CCDC6: variants seen among roughly 807,000 people sequenced by gnomAD.
CCDC6 encodes coiled-coil domain containing 6, also known as coiled-coil domain-containing protein 6.
In CCDC6, 20 loss-of-function variants were observed where a neutral mutation model predicts 56.6. That is an observed-to-expected ratio of 0.35 (90% confidence interval 0.25 to 0.51). The LOEUF is 0.51. Among genes scored for constraint, CCDC6 ranks in the 20% least tolerant of loss-of-function variants. The pLI is 0.95. For missense variants in CCDC6, 367 were observed against 601.1 expected (o/e 0.61, Z 4.07); for synonymous variants, 241 against 234.4 (o/e 1.03, Z -0.26).
At chr10:59,874,612 TA>T (rs1407954117) in intron 1 of CCDC6, among the ~76,000 whole-genome samples, 4 of 152,206 alleles carry the variant, frequency 2.6e-5, no homozygotes, top group Non-Finnish European at 5.9e-5. Flanking sequence ...AAAGGGGAAT[TA>T]AGGGAACAGA....
chr10:59,881,443 C>A (rs971955330), intron 1 of CCDC6, among the ~76,000 whole-genome samples: 1 of 152,122 alleles, frequency 6.6e-6, no homozygotes, highest in Non-Finnish European at 1.5e-5. Context: ...AGGGGCATAA[C>A]GAGGTGAGAC....
chr10:59,837,225 T>C (rs773865189), intron 2 of CCDC6, among the ~76,000 whole-genome samples: 6 of 152,334 alleles, frequency 3.9e-5, no homozygotes, highest in African/African-American at 7.2e-5. Context: ...GGTAGAGGCA[T>C]TGAAAATCAT....
At chr10:59,836,164 G>C (rs1357128014) in intron 2 of CCDC6, among the ~76,000 whole-genome samples, 1 of 151,824 alleles carries the variant, frequency 6.6e-6, no homozygotes, top group Non-Finnish European at 1.5e-5. Context: ...GCAAATGTGT[G>C]CATAGGGACC....
At chr10:59,886,541 A>T (rs1305387014) in intron 1 of CCDC6, among the ~76,000 whole-genome samples, 1 of 152,232 alleles carries the variant, frequency 6.6e-6, no homozygotes, top group Non-Finnish European at 1.5e-5. Flanking sequence ...AAAACACAAA[A>T]GCAGTCTGTC....
intron 2 of CCDC6, among the ~76,000 whole-genome samples, chr10:59,841,481 G>T (rs188218321): frequency 3.3e-5 from 5 of 152,240 alleles, no homozygotes; most frequent in South Asian, 4.1e-4. Context: ...TGAGAAAACA[G>T]AATTCTAATC....
chr10:59,900,718 T>A (rs527830014), intron 1 of CCDC6, among the ~76,000 whole-genome samples: 1 of 152,310 alleles, frequency 6.6e-6, no homozygotes, highest in Admixed American at 6.5e-5. Context: ...TGATTCCCCA[T>A]CTCTAGCAAA....
At chr10:59,890,723 T>G (rs1755227874) in intron 1 of CCDC6, among the ~76,000 whole-genome samples, 1 of 152,080 alleles carries the variant, frequency 6.6e-6, no homozygotes, top group Non-Finnish European at 1.5e-5. Context: ...TTTTATTTAT[T>G]TATTTTTATT....
At chr10:59,796,795 G>A (rs372153611) in intron 7 of CCDC6, among the ~76,000 whole-genome samples, 12 of 151,898 alleles carry the variant, frequency 7.9e-5, no homozygotes, top group African/African-American at 1.7e-4. Flanking sequence ...GTGAAACCCC[G>A]TCTCTACTAA....
chr10:59,871,841 T>C (rs1020357565), intron 1 of CCDC6, among the ~76,000 whole-genome samples: 1 of 152,066 alleles, frequency 6.6e-6, no homozygotes, highest in African/African-American at 2.4e-5. Flanking sequence ...CCAAATTCAG[T>C]TGCTAATTGG....
rs776023020 is a variant in CCDC6, at chr10:59,792,464, G to A, written c.*453C>T. 1 of 440,402 alleles carries A rather than the reference G, an allele frequency of 2.3e-6. No individual in the cohort carries two copies. The allele number at this position is 440,402 out of a possible 1,614,324, so 27.3% of individuals were successfully genotyped here. ...TTTCAAAGGTCTGAATTGTAGTGCTGAATTATTGGTATGTTTGGTAAACAC... is the reference window on the plus strand; with the variant it reads ...TTTCAAAGGTCTGAATTGTAGTGCTAAATTATTGGTATGTTTGGTAAACAC... On this transcript the variant is annotated 3_prime_UTR_variant, in exon 9 of 9. Transcript: ENST00000263102.
At chr10:59,863,058 A>C (rs2071147766) in intron 1 of CCDC6, among the ~76,000 whole-genome samples, 1 of 152,218 alleles carries the variant, frequency 6.6e-6, no homozygotes, top group African/African-American at 2.4e-5. Context: ...CATTAAATAC[A>C]ATATGAATAA....
intron 1 of CCDC6, among the ~76,000 whole-genome samples, chr10:59,895,122 T>C (rs900001074): frequency 1.3e-5 from 2 of 152,048 alleles, no homozygotes; most frequent in African/African-American, 2.4e-5. Flanking sequence ...GGCAACATAG[T>C]AAGACCCTCT....
intron 2 of CCDC6, among the ~76,000 whole-genome samples, chr10:59,848,447 G>A (rs1406091527): frequency 1.3e-5 from 2 of 152,114 alleles, no homozygotes; most frequent in African/African-American, 4.8e-5. Flanking sequence ...GGGATGCCAA[G>A]GCATGCAGAT....
At chr10:59,828,062 T>C (rs1437410172) in intron 3 of CCDC6, among the ~76,000 whole-genome samples, 1 of 152,234 alleles carries the variant, frequency 6.6e-6, no homozygotes, top group Non-Finnish European at 1.5e-5. Context: ...TGCCTTTTAA[T>C]GCTAGACAAG....
chr10:59,819,380 T>G (rs2070734163), intron 3 of CCDC6, among the ~76,000 whole-genome samples: 1 of 152,134 alleles, frequency 6.6e-6, no homozygotes, highest in African/African-American at 2.4e-5. Context: ...TTTTCAGCAT[T>G]GTTGAGGAGC....
At chr10:59,793,374 C>T (rs984912431) in intron 8 of CCDC6, among the ~76,000 whole-genome samples, 1 of 152,206 alleles carries the variant, frequency 6.6e-6, no homozygotes, top group African/African-American at 2.4e-5. Flanking sequence ...GGTCCTTCAA[C>T]GAGAGCTGTA....
At chr10:59,820,312 T>C (rs1459027219) in intron 3 of CCDC6, among the ~76,000 whole-genome samples, 2 of 152,212 alleles carry the variant, frequency 1.3e-5, no homozygotes, top group Non-Finnish European at 2.9e-5. Context: ...TTATAGGATT[T>C]TGAAAGGTTT....
At chr10:59,869,215 G>A (rs572817747) in intron 1 of CCDC6, among the ~76,000 whole-genome samples, 3 of 150,934 alleles carry the variant, frequency 2.0e-5, no homozygotes, top group African/African-American at 7.3e-5. Context: ...TTACTAAGAG[G>A]GACATGAGAG....
chr10:59,813,397 C>T (rs548046922), intron 4 of CCDC6, among the ~76,000 whole-genome samples: 1 of 152,300 alleles, frequency 6.6e-6, no homozygotes, highest in Admixed American at 6.5e-5. Flanking sequence ...ACCTTCTTTA[C>T]CAATTATTTT....
Sources: allele counts gnomAD v4.1 joint callset (sites outside exome capture counted in the v4.1 genomes callset), GRCh38; gene constraint gnomAD v4.1.1; transcripts MANE v1.5; gene names NCBI Gene and HGNC (gene_info 2026-07-23, HGNC 2026-07-21).